Variants in SKAP2 observed in about 807,000 individuals in gnomAD.
SKAP2 encodes src kinase-associated phosphoprotein 2.
SKAP2 carries 28 observed loss-of-function variants against 54.9 expected under a neutral mutation model. The observed-to-expected ratio is 0.51, with a 90% CI of 0.38 to 0.70. SKAP2 has a LOEUF of 0.70. Ranked by LOEUF, SKAP2 falls within the 30% of genes least tolerant of loss-of-function variation. The pLI is 0.00. For synonymous variants in SKAP2, 137 were observed against 134.3 expected (o/e 1.02, Z -0.14); for missense variants, 356 against 424.1 (o/e 0.84, Z 1.41).
chr7:26,835,237 A>G (rs1200099663), intron 4 of SKAP2, among the ~76,000 whole-genome samples: 1 of 152,220 alleles, frequency 6.6e-6, no homozygotes, highest in African/African-American at 2.4e-5. Flanking sequence ...CACAGCCAAT[A>G]TCATACTGAA....
the SKAP2 span, among the ~76,000 whole-genome samples, chr7:26,658,208 C>T: frequency 1.3e-5 from 2 of 152,170 alleles, no homozygotes; most frequent in Admixed American, 1.3e-4. Context: ...TTTGCTCTAG[C>T]GATGGGGTAC....
chr7:26,836,087 T>C (rs1010793169), intron 4 of SKAP2, among the ~76,000 whole-genome samples: 1 of 152,180 alleles, frequency 6.6e-6, no homozygotes, highest in African/African-American at 2.4e-5. Context: ...AAACAAGCAA[T>C]GGGGAAATGA....
intron 9 of SKAP2, among the ~76,000 whole-genome samples, chr7:26,706,158 T>C (rs1471243138): frequency 6.6e-6 from 1 of 152,206 alleles, no homozygotes; most frequent in Admixed American, 6.5e-5. Flanking sequence ...ATAATCATAC[T>C]ATTTATATTA....
intron 1 of SKAP2, among the ~76,000 whole-genome samples, chr7:26,856,901 G>A (rs772144778): frequency 8.7e-4 from 130 of 149,518 alleles, no homozygotes; most frequent in Non-Finnish European, 2.5e-4. Flanking sequence ...TCTATCACTG[G>A]AAGTAATAAC....
chr7:26,670,987 G>A (rs1786218923), intron 11 of SKAP2, among the ~76,000 whole-genome samples: 1 of 152,018 alleles, frequency 6.6e-6, no homozygotes, highest in African/African-American at 2.4e-5. Flanking sequence ...TGGTCGATGA[G>A]TCACTTTTGC....
At chr7:26,724,442 C>A (rs369040857) in intron 9 of SKAP2, among the ~76,000 whole-genome samples, 1 of 152,086 alleles carries the variant, frequency 6.6e-6, no homozygotes, top group East Asian at 1.9e-4. Context: ...AAATTTTTTT[C>A]TTCTAAAGTC....
At chr7:26,782,658 T>C (rs998410281) in intron 4 of SKAP2, among the ~76,000 whole-genome samples, 1 of 152,048 alleles carries the variant, frequency 6.6e-6, no homozygotes, top group Non-Finnish European at 1.5e-5. Context: ...GCCATTGCAC[T>C]CTAGCCTGGG....
intron 4 of SKAP2, among the ~76,000 whole-genome samples, chr7:26,793,898 A>G (rs1048948608): frequency 6.6e-5 from 10 of 152,372 alleles, no homozygotes; most frequent in Admixed American, 6.5e-4. Context: ...AATACAATTA[A>G]TTAGCCTGGG....
intron 4 of SKAP2, among the ~76,000 whole-genome samples, chr7:26,797,750 G>A (rs1783813580): frequency 6.6e-6 from 1 of 152,196 alleles, no homozygotes; most frequent in African/African-American, 2.4e-5. Flanking sequence ...CAAAATAGCT[G>A]TGTTGAAAAC....
intron 3 of SKAP2, among the ~76,000 whole-genome samples, 166 bp from the exon 4 acceptor site, chr7:26,844,303 G>A (rs1784880538): frequency 6.6e-6 from 1 of 152,000 alleles, no homozygotes; most frequent in East Asian, 1.9e-4. Context: ...GTAAAAACAG[G>A]TCTTATTTTA....
chr7:26,658,429 A>G, the SKAP2 span, among the ~76,000 whole-genome samples: 1 of 152,150 alleles, frequency 6.6e-6, no homozygotes, highest in Non-Finnish European at 1.5e-5. Context: ...AGTTTCCAAA[A>G]TGGGCTGTTT....
chr7:26,659,747 C>T, the SKAP2 span, among the ~76,000 whole-genome samples: 3 of 151,862 alleles, frequency 2.0e-5, no homozygotes, highest in Non-Finnish European at 4.4e-5. Context: ...TATATATATA[C>T]TTATAAATAA....
At chr7:26,810,444 C>A (rs149983665) in intron 4 of SKAP2, among the ~76,000 whole-genome samples, 1 of 152,180 alleles carries the variant, frequency 6.6e-6, no homozygotes, top group East Asian at 1.9e-4. Context: ...AGATGCTAGT[C>A]CAAGGATACA....
chr7:26,819,988 T>C (rs1784357314), intron 4 of SKAP2, among the ~76,000 whole-genome samples: 1 of 152,156 alleles, frequency 6.6e-6, no homozygotes, highest in African/African-American at 2.4e-5. Flanking sequence ...AAATTATTCA[T>C]AAAAGTTAAA....
At chr7:26,683,120 G>A (rs1399887946) in intron 11 of SKAP2, among the ~76,000 whole-genome samples, 6 of 152,102 alleles carry the variant, frequency 3.9e-5, no homozygotes, top group Admixed American at 2.0e-4. Context: ...TCTAATCAAC[G>A]TTTTAGTTTT....
In SKAP2 at chr7:26,797,829, T is replaced by C. The variant is rs544880155; in HGVS notation, c.307+46201A>G. Among the ~76,000 whole-genome samples the C allele has an allele frequency of 6.6e-5, 10 of 151,758 alleles. No homozygotes were observed. In the East Asian group the frequency reaches 1.4e-3, roughly 21 times the overall value. On this transcript the variant is annotated intron_variant, in intron 4 of 12. Transcript: ENST00000345317. The stretch of plus-strand genomic sequence containing the variant: ...CTATTATATAAATTTAACAAAAAGA[T>C]TGAAATAATGAAAAAGAACCAAGCA...
chr7:26,783,798 G>A (rs573656638), intron 4 of SKAP2, among the ~76,000 whole-genome samples: 1 of 152,036 alleles, frequency 6.6e-6, no homozygotes, highest in Non-Finnish European at 1.5e-5. Context: ...GTTGTGAGGT[G>A]GGGGGAGCGG....
intron 4 of SKAP2, among the ~76,000 whole-genome samples, chr7:26,751,735 T>A (rs1415066383): frequency 6.6e-6 from 1 of 152,140 alleles, no homozygotes; most frequent in Non-Finnish European, 1.5e-5. Context: ...AGATATGAAA[T>A]TCATACATTC....
intron 9 of SKAP2, among the ~76,000 whole-genome samples, chr7:26,710,336 A>C (rs1379598448): frequency 6.6e-6 from 1 of 152,170 alleles, no homozygotes; most frequent in Non-Finnish European, 1.5e-5. Context: ...ATCAACATTT[A>C]AAATGTCACG....
Sources: gnomAD v4.1 joint callset for allele counts (sites outside exome capture counted in the v4.1 genomes callset) on GRCh38, gnomAD v4.1.1 for gene constraint, MANE v1.5 for transcripts, NCBI Gene and HGNC (gene_info 2026-07-23, HGNC 2026-07-21) for gene names.